The following SOX5 variants were observed in gnomAD, a reference collection of about 807,000 sequenced individuals.
SOX5 encodes the protein transcription factor SOX-5.
A neutral mutation model predicts 92.0 loss-of-function variants in SOX5; 9 were observed. The ratio of observed to expected loss-of-function variants is 0.10; its 90% CI spans 0.06 to 0.17. The LOEUF (loss-of-function observed/expected upper bound fraction) is 0.17, where lower values mean the gene tolerates loss of function less well. Ranked by LOEUF, SOX5 falls within the 10% of genes least tolerant of loss-of-function variation. The pLI is 1.00. For synonymous variants in SOX5, 344 were observed against 336.3 expected (o/e 1.02, Z -0.25); for missense variants, 642 against 944.5 (o/e 0.68, Z 4.20).
intron 3 of SOX5, among the ~76,000 whole-genome samples, chr12:24,275,243 C>T (rs1354853849): frequency 6.6e-6 from 1 of 152,086 alleles, no homozygotes; most frequent in South Asian, 2.1e-4. Context: ...ATTAAAACTT[C>T]TCATGAGTCC....
chr12:24,191,510 C>T (rs1565623493), intron 4 of SOX5, among the ~76,000 whole-genome samples: 1 of 152,150 alleles, frequency 6.6e-6, no homozygotes, highest in African/African-American at 2.4e-5. Context: ...GCCTTGTTCC[C>T]CGGACACCTG....
chr12:24,067,058 CCAG>C (rs1338869346), intron 4 of SOX5, among the ~76,000 whole-genome samples: 1 of 152,136 alleles, frequency 6.6e-6, no homozygotes, highest in African/African-American at 2.4e-5. Flanking sequence ...GGTGGCCTGG[CCAG>C]CACCAGAATT....
intron 2 of SOX5, among the ~76,000 whole-genome samples, chr12:23,882,047 T>C (rs2096997968): frequency 6.6e-6 from 1 of 152,184 alleles, no homozygotes; most frequent in South Asian, 2.1e-4. Flanking sequence ...CAGAGATATA[T>C]GTTTAATCAT....
At chr12:23,643,244 T>C (rs2080358432) in intron 7 of SOX5, among the ~76,000 whole-genome samples, 1 of 152,186 alleles carries the variant, frequency 6.6e-6, no homozygotes, top group Non-Finnish European at 1.5e-5. Context: ...AAGGATGACT[T>C]CCAGGTTTTT....
At chr12:24,078,479 T>C (rs1942927332) in intron 4 of SOX5, among the ~76,000 whole-genome samples, 1 of 152,094 alleles carries the variant, frequency 6.6e-6, no homozygotes, top group African/African-American at 2.4e-5. Flanking sequence ...AGGGTCCTGT[T>C]TGCCTGGCTT....
intron 4 of SOX5, among the ~76,000 whole-genome samples, chr12:23,957,618 T>C (rs1437423080): frequency 6.6e-6 from 1 of 152,202 alleles, no homozygotes; most frequent in Non-Finnish European, 1.5e-5. Context: ...GAAAACCTAG[T>C]TGTTATAATG....
intron 4 of SOX5, among the ~76,000 whole-genome samples, chr12:24,095,250 G>GA (rs1288886644): frequency 6.6e-6 from 1 of 150,952 alleles, no homozygotes; most frequent in Non-Finnish European, 1.5e-5. Flanking sequence ...CAAGAGAAAG[G>GA]AAAAAGAAGT....
At chr12:23,962,956 T>A (rs937797101) in intron 4 of SOX5, among the ~76,000 whole-genome samples, 1 of 152,156 alleles carries the variant, frequency 6.6e-6, no homozygotes, top group Non-Finnish European at 1.5e-5. Context: ...AATGTAATAA[T>A]GATCCTGTCC....
At chr12:24,550,796 G>T (rs1366511740) in intron 1 of SOX5, among the ~76,000 whole-genome samples, 1 of 152,188 alleles carries the variant, frequency 6.6e-6, no homozygotes, top group South Asian at 2.1e-4. Flanking sequence ...AAAATGCCTT[G>T]TATTGCTAAT....
chr12:23,806,120 C>T (rs1423718660), intron 3 of SOX5, among the ~76,000 whole-genome samples: 1 of 152,094 alleles, frequency 6.6e-6, no homozygotes, highest in African/African-American at 2.4e-5. Flanking sequence ...CTTTAACTTA[C>T]AATAATAGCC....
At chr12:24,166,759 G>A (rs747362552) in intron 4 of SOX5, among the ~76,000 whole-genome samples, 8 of 152,128 alleles carry the variant, frequency 5.3e-5, no homozygotes, top group East Asian at 1.9e-4. Flanking sequence ...TAACGAACAC[G>A]CATTGTTTGC....
intron 11 of SOX5, among the ~76,000 whole-genome samples, chr12:23,551,843 A>T (rs1944282277): frequency 6.6e-6 from 1 of 151,764 alleles, no homozygotes; most frequent in Non-Finnish European, 1.5e-5. Context: ...TTTGTTCCAG[A>T]ATCTAATTTC....
intron 3 of SOX5, among the ~76,000 whole-genome samples, chr12:24,234,579 T>C (rs1409916888): frequency 6.6e-6 from 1 of 152,126 alleles, no homozygotes; most frequent in Non-Finnish European, 1.5e-5. Flanking sequence ...GGTTTCACCA[T>C]GTTGGCCAGG....
chr12:24,499,242 C>A (rs984896281), intron 1 of SOX5, among the ~76,000 whole-genome samples: 5 of 152,224 alleles, frequency 3.3e-5, no homozygotes, highest in Non-Finnish European at 7.3e-5. Flanking sequence ...CATCGTCCCC[C>A]CTGCCTGGCG....
At chr12:24,088,588 G>A (rs187132153) in intron 4 of SOX5, among the ~76,000 whole-genome samples, 1 of 151,564 alleles carries the variant, frequency 6.6e-6, no homozygotes, top group East Asian at 1.9e-4. Context: ...TATTAATGAA[G>A]ATGTGACTTA....
At position 23,790,548 on chromosome 12, in the gene SOX5, T is replaced by TCTCACA. The variant is rs1340837266; in HGVS notation, c.482-34825_482-34824insTGTGAG. Among the ~76,000 whole-genome samples the TCTCACA allele has an allele frequency of 2.9e-3, 401 of 137,380 alleles. 4 individuals carry two copies. The highest frequency in any genetic ancestry group is 9.8e-3 in the African/African-American group (353 of 36,000). 90.1% of individuals were successfully genotyped at this position (137,380 alleles called of 152,430 possible). ...CTCTCTCTCTCTCTCTCTCAATCTCTCACACACACACACACACACACACAC... is the reference window on the plus strand; with the variant it reads ...CTCTCTCTCTCTCTCTCTCAATCTCTCTCACACACACACACACACACACACACACAC... On this transcript the variant is annotated intron_variant, in intron 3 of 14. Transcript: ENST00000451604.
At chr12:23,752,791 C>A (rs2094221399) in intron 4 of SOX5, among the ~76,000 whole-genome samples, 2 of 151,854 alleles carry the variant, frequency 1.3e-5, no homozygotes, top group Non-Finnish European at 2.9e-5. Context: ...ACAAATACTT[C>A]TTTTGGGCAG....
At chr12:24,027,461 T>A (rs1259077581) in intron 4 of SOX5, among the ~76,000 whole-genome samples, 1 of 151,948 alleles carries the variant, frequency 6.6e-6, no homozygotes, top group Non-Finnish European at 1.5e-5. Flanking sequence ...ACAAGAATTA[T>A]CCCCAACATG....
rs529296773 is a variant in SOX5, at chr12:23,752,161, T to C, written c.568+3477A>G. Among the ~76,000 whole-genome samples, 4 of 150,944 alleles carry C rather than the reference T, an allele frequency of 2.6e-5. No homozygotes were observed. The South Asian group carries it at 8.4e-4, about 32-fold the overall frequency. Reference sequence around the variant, plus strand: ...CTGGTCTAGAATTTTTGTTAAATTCTAGCACTTTTGTTAAAAACAGATTCA... The same window carrying C: ...CTGGTCTAGAATTTTTGTTAAATTCCAGCACTTTTGTTAAAAACAGATTCA... On this transcript the variant is annotated intron_variant, in intron 4 of 14. Transcript: ENST00000451604.
Sources: allele counts gnomAD v4.1 joint callset (sites outside exome capture counted in the v4.1 genomes callset), GRCh38; gene constraint gnomAD v4.1.1; transcripts MANE v1.5; gene names NCBI Gene and HGNC (gene_info 2026-07-23, HGNC 2026-07-21).